The following EHBP1 variants were observed in gnomAD, a reference collection of about 807,000 sequenced individuals.
EHBP1 encodes EH domain binding protein 1.
A neutral mutation model predicts 144.0 loss-of-function variants in EHBP1; 55 were observed. The ratio of observed to expected loss-of-function variants is 0.38; its 90% confidence interval spans 0.31 to 0.48. EHBP1 has a LOEUF of 0.48. EHBP1 is among the 20% of genes least tolerant of loss of function. The probability of loss-of-function intolerance (pLI) is 0.98; values close to 1 mark genes in which losing one functional copy is unlikely to be tolerated. For missense variants in EHBP1, 1,200 were observed against 1,364.2 expected (o/e 0.88, Z 1.90); for synonymous variants, 469 against 472.7 (o/e 0.99, Z 0.10).
At chr2:62,801,066 T>C (rs1218870776) in intron 5 of EHBP1, among the ~76,000 whole-genome samples, 1 of 152,254 alleles carries the variant, frequency 6.6e-6, no homozygotes, top group Non-Finnish European at 1.5e-5. Flanking sequence ...TTCAAAGGTT[T>C]ATAACTATAC....
intron 5 of EHBP1, among the ~76,000 whole-genome samples, chr2:62,776,974 G>T (rs1156286415): frequency 6.6e-6 from 1 of 151,986 alleles, no homozygotes; most frequent in African/African-American, 2.4e-5. Flanking sequence ...ATAGGTTTTA[G>T]TTTCTTGTTT....
At chr2:62,971,281 A>G (rs1456983763) in intron 14 of EHBP1, among the ~76,000 whole-genome samples, 1 of 152,220 alleles carries the variant, frequency 6.6e-6, no homozygotes, top group Non-Finnish European at 1.5e-5. Context: ...AGATGTTAGC[A>G]AAGAGAAAAG....
In EHBP1 at chr2:62,955,615, C is replaced by G; in HGVS notation, c.2415C>G (p.His805Gln). 1 of 1,612,220 alleles carries G rather than the reference C, an allele frequency of 6.2e-7. No homozygotes were observed. The highest frequency in any genetic ancestry group is 8.5e-7 in the Non-Finnish European group (1 of 1,178,896). The stretch of plus-strand genomic sequence containing the variant: ...CAGCCTTAAAGGCGGGGAATAAGCA[C>G]AATACCAACACAGCCACCCCATTCT... Reference protein sequence around the residue: ...RDAALKAGNKHNTNTATPFCN... With the variant: ...RDAALKAGNKQNTNTATPFCN... The change falls in exon 14 of 23, where the codon CAC (histidine) becomes CAG (glutamine). Residue 805 changes from histidine to glutamine, a missense_variant. By Grantham distance (24) the His-to-Gln change is conservative. Transcript: ENST00000431489.
intron 5 of EHBP1, among the ~76,000 whole-genome samples, chr2:62,794,668 A>G (rs932725788): frequency 3.3e-5 from 5 of 151,964 alleles, no homozygotes; most frequent in African/African-American, 1.2e-4. Context: ...TAAAATAATC[A>G]TGTTTGCTTA....
intron 10 of EHBP1, among the ~76,000 whole-genome samples, chr2:62,915,354 G>T (rs2054525040): frequency 6.6e-6 from 1 of 151,908 alleles, no homozygotes; most frequent in Non-Finnish European, 1.5e-5. Context: ...TTTATAAATC[G>T]GTAGTATATC....
At chr2:62,730,869 GGC>G (rs2037500005) in intron 2 of EHBP1, among the ~76,000 whole-genome samples, 1 of 137,998 alleles carries the variant, frequency 7.2e-6, no homozygotes, top group Non-Finnish European at 1.6e-5. Flanking sequence ...CAGGCAGACA[GGC>G]AGGCAGAGAA....
At chr2:62,987,576 C>T (rs559780359) in intron 15 of EHBP1, among the ~76,000 whole-genome samples, 8 of 152,194 alleles carry the variant, frequency 5.3e-5, no homozygotes, top group African/African-American at 1.9e-4. Context: ...TATTTGATGA[C>T]TTTGTCACCA....
intron 1 of EHBP1, among the ~76,000 whole-genome samples, chr2:62,696,505 C>CT (rs2034100748): frequency 2.0e-5 from 2 of 99,154 alleles, no homozygotes; most frequent in Admixed American, 1.2e-4. Context: ...TCTTTTTTTT[C>CT]TTCTTTTTTT....
At chr2:62,755,775 C>T (rs2040220995) in intron 3 of EHBP1, among the ~76,000 whole-genome samples, 1 of 151,998 alleles carries the variant, frequency 6.6e-6, no homozygotes, top group Non-Finnish European at 1.5e-5. Context: ...ATAAGTTTAT[C>T]CACTAAGTAT....
intron 19 of EHBP1, among the ~76,000 whole-genome samples, chr2:63,007,741 G>T (rs529708523): frequency 9.9e-5 from 15 of 151,676 alleles, no homozygotes; most frequent in Non-Finnish European, 2.1e-4. Context: ...AGTTAAAAGC[G>T]TATTGATGAT....
At chr2:62,820,913 G>A (rs528423365) in intron 5 of EHBP1, among the ~76,000 whole-genome samples, 19 of 151,116 alleles carry the variant, frequency 1.3e-4, no homozygotes, top group Middle Eastern at 6.8e-3. Flanking sequence ...GGGACATGCA[G>A]CTTGTAAGGT....
At chr2:62,711,059 A>C (rs2035099818) in intron 2 of EHBP1, among the ~76,000 whole-genome samples, 1 of 152,188 alleles carries the variant, frequency 6.6e-6, no homozygotes, top group Non-Finnish European at 1.5e-5. Flanking sequence ...TCATGAGTAA[A>C]AGTGGAAGCA....
intron 1 of EHBP1, among the ~76,000 whole-genome samples, chr2:62,693,378 A>G (rs559898264): frequency 6.6e-6 from 1 of 152,158 alleles, no homozygotes; most frequent in South Asian, 2.1e-4. Context: ...AAAGTGTATC[A>G]TTTGTCTGTC....
At chr2:62,786,637 C>T (rs995891011) in intron 5 of EHBP1, among the ~76,000 whole-genome samples, 19 of 152,162 alleles carry the variant, frequency 1.2e-4, no homozygotes, top group African/African-American at 4.3e-4. Flanking sequence ...TCGTACTGCA[C>T]CTTGAATCTT....
At chr2:62,703,583 T>C (rs1346870430), upstream of EHBP1, among the ~76,000 whole-genome samples, 1 of 152,198 alleles carries the variant, frequency 6.6e-6, no homozygotes, top group African/African-American at 2.4e-5. Context: ...ACTCATTTAG[T>C]AAACGATTCT....
chr2:62,925,931 C>T (rs1435189149), intron 10 of EHBP1, among the ~76,000 whole-genome samples: 1 of 152,004 alleles, frequency 6.6e-6, no homozygotes, highest in Non-Finnish European at 1.5e-5. Context: ...CCACAAAAGA[C>T]CTCAAATAGC....
At chr2:63,015,601 C>T (rs1488241934) in intron 19 of EHBP1, among the ~76,000 whole-genome samples, 1 of 152,034 alleles carries the variant, frequency 6.6e-6, no homozygotes, top group Non-Finnish European at 1.5e-5. Flanking sequence ...GTTGCCTCAT[C>T]CTACCAAGCA....
At chr2:62,943,279 G>A (rs925404972) in intron 11 of EHBP1, among the ~76,000 whole-genome samples, 7 of 150,984 alleles carry the variant, frequency 4.6e-5, no homozygotes, top group Non-Finnish European at 7.4e-5. Context: ...GGGAGGCTGA[G>A]GTAGGAGAAT....
rs766600788 is a variant in EHBP1 at position 62,948,400 on chromosome 2, T to C, written c.1554T>C (p.Asn518=). ...IRAHFSGQEL[N]VVQIEENSSK... Reference sequence around the variant, plus strand: ...CACATTTCAGTGGCCAAGAACTAAATGTCGTTCAGATAGAGGAAAACAGCA... The same window carrying C: ...CACATTTCAGTGGCCAAGAACTAAACGTCGTTCAGATAGAGGAAAACAGCA... Residue 518 remains asparagine (N), a synonymous_variant, in exon 13 of 23, where the codon AAT becomes AAC. Coordinates refer to ENST00000431489, the MANE Select transcript of EHBP1 (RefSeq NM_001142616.3). 4.3e-6 allele frequency: 7 copies of C among 1,613,934 alleles called. No individual in the cohort carries two copies. In the African/African-American group the frequency reaches 8.0e-5, roughly 18 times the overall value.
Sources: gnomAD v4.1 joint callset for allele counts (sites outside exome capture counted in the v4.1 genomes callset) on GRCh38, gnomAD v4.1.1 for gene constraint, MANE v1.5 for transcripts, NCBI Gene and HGNC (gene_info 2026-07-23, HGNC 2026-07-21) for gene names.